Variants in ENOX1 observed in about 807,000 individuals in gnomAD.
The protein encoded by ENOX1 is ecto-NOX disulfide-thiol exchanger 1, also known as candidate growth-related and time keeping constitutive hydroquinone (NADH) oxidase.
A neutral mutation model predicts 82.5 loss-of-function variants in ENOX1; 42 were observed. The ratio of observed to expected loss-of-function variants is 0.51; its 90% CI spans 0.40 to 0.66. The LOEUF is 0.66. Among genes scored for constraint, ENOX1 ranks in the 30% least tolerant of loss-of-function variants. The pLI is 0.00. For missense variants in ENOX1, 608 were observed against 811.6 expected, an observed-to-expected ratio of 0.75 and a Z score of 3.05; for synonymous variants, 271 against 282.2, an observed-to-expected ratio of 0.96 and a Z score of 0.40.
intron 5 of ENOX1, among the ~76,000 whole-genome samples, chr13:43,406,220 G>C (rs529165906): frequency 9.8e-5 from 15 of 152,308 alleles, no homozygotes; most frequent in African/African-American, 3.6e-4. Context: ...AAACACCAGT[G>C]AATGGGAGAG....
chr13:43,416,992 C>T (rs1308099346), intron 3 of ENOX1, among the ~76,000 whole-genome samples: 1 of 152,162 alleles, frequency 6.6e-6, no homozygotes, highest in Non-Finnish European at 1.5e-5. Context: ...GCAGATCACT[C>T]GAGGTCAAGA....
chr13:43,582,636 CCATCA>C (rs1167720706), intron 2 of ENOX1, among the ~76,000 whole-genome samples: 1 of 151,712 alleles, frequency 6.6e-6, no homozygotes, highest in Non-Finnish European at 1.5e-5. Context: ...TGCAGTGGTG[CCATCA>C]TGGCTCACTG....
chr13:43,470,283 C>CGT (rs2057949605), intron 3 of ENOX1, among the ~76,000 whole-genome samples: 1 of 63,322 alleles, frequency 1.6e-5, no homozygotes, highest in African/African-American at 5.9e-5. Context: ...CATATATATA[C>CGT]ATATATATAT....
At chr13:43,764,979 T>C (rs770093269) in intron 1 of ENOX1, among the ~76,000 whole-genome samples, 4 of 152,204 alleles carry the variant, frequency 2.6e-5, no homozygotes, top group Non-Finnish European at 5.9e-5. Flanking sequence ...TAAAATGACA[T>C]TTGCTTCACG....
chr13:43,577,987 A>C (rs1329867777), intron 2 of ENOX1, among the ~76,000 whole-genome samples: 1 of 63,436 alleles, frequency 1.6e-5, no homozygotes, highest in East Asian at 2.8e-4. Context: ...AAACTATATA[A>C]AAAAAAGGAG....
Position 43,213,900 on chromosome 13 carries a change from T to G in ENOX1, c.*90A>C, listed in dbSNP as rs703206. 0.43 allele frequency: 629,411 copies of G among 1,480,276 alleles called. 138,400 individuals are homozygous for G. Among genetic ancestry groups the G allele is most frequent in the African/African-American group, 0.7 (49,764 of 71,228 alleles). The allele number at this position is 1,480,276 out of a possible 1,614,324, so 91.7% of individuals were successfully genotyped here. ...CGATGGCTCCACAAAGGTTGCGTGC[T>G]GGACCAACCCCACACCTCCTGCTTC... On this transcript the variant is annotated 3_prime_UTR_variant, in exon 17 of 17. Coordinates refer to ENST00000690772, the MANE Select transcript of ENOX1 (RefSeq NM_001347969.2).
intron 2 of ENOX1, among the ~76,000 whole-genome samples, chr13:43,578,526 C>T (rs959032799): frequency 1.3e-4 from 19 of 152,000 alleles, no homozygotes; most frequent in Non-Finnish European, 4.4e-5. Context: ...TGAAATTTAT[C>T]CTCAGTTCAT....
Position 43,757,822 on chromosome 13 carries a change from C to CT in ENOX1, c.-285+28829dup, listed in dbSNP as rs1177903733. ...GGTCATTTATCCCAAAAATGTATGA[C>CT]TTTTTTTTTCATCCAGCCAAATAAA... On this transcript the variant is annotated intron_variant, in intron 1 of 16. Transcript: ENST00000690772. Among the ~76,000 whole-genome samples, 17 of 151,654 alleles carry CT rather than the reference C, an allele frequency of 1.1e-4. No individual in the cohort carries two copies. The East Asian group carries it at 2.9e-3, about 26-fold the overall frequency.
chr13:43,236,615 A>G, intron 15 of ENOX1, 21 bp downstream of exon 15: 1 of 1,440,090 alleles, frequency 6.9e-7, no homozygotes, highest in East Asian at 2.4e-5. Flanking sequence ...AGAACAGATG[A>G]AGAAAACAGA....
Position 43,726,942 on chromosome 13 carries a change from AT to A in ENOX1, c.-284-59399del, listed in dbSNP as rs1203750045. ...TTTTTAACGGAGATGGGGTTTCACC[AT>A]GTTGGTTAGGCTGGTCTCGAATTCC... On this transcript the variant is annotated intron_variant, in intron 1 of 16. Coordinates refer to ENST00000690772, the MANE Select transcript of ENOX1 (RefSeq NM_001347969.2). Among the ~76,000 whole-genome samples, 8 of 152,188 alleles carry A rather than the reference AT, an allele frequency of 5.3e-5. 1 individual carries two copies. The South Asian group carries it at 1.7e-3, about 32-fold the overall frequency.
chr13:43,443,485 T>C (rs2056465767), intron 3 of ENOX1, among the ~76,000 whole-genome samples: 1 of 152,200 alleles, frequency 6.6e-6, no homozygotes, highest in African/African-American at 2.4e-5. Flanking sequence ...TTTAATCCTG[T>C]AAATATGCAT....
At chr13:43,726,928 G>C (rs188128947) in intron 1 of ENOX1, among the ~76,000 whole-genome samples, 440 of 152,166 alleles carry the variant, frequency 2.9e-3, no homozygotes, top group Non-Finnish European at 5.1e-3. Context: ...TTTTAACGGA[G>C]ATGGGGTTTC....
intron 1 of ENOX1, among the ~76,000 whole-genome samples, chr13:43,780,838 C>T (rs1952214652): frequency 6.6e-6 from 1 of 152,186 alleles, no homozygotes; most frequent in Non-Finnish European, 1.5e-5. Flanking sequence ...AGAGCAAAGG[C>T]TTTGGCTACT....
chr13:43,348,901 C>G (rs1304483660), intron 8 of ENOX1, among the ~76,000 whole-genome samples: 1 of 152,162 alleles, frequency 6.6e-6, no homozygotes, highest in Non-Finnish European at 1.5e-5. Context: ...TTGCTAAAAT[C>G]TAGGATAAGA....
In ENOX1 at chr13:43,786,391, T is replaced by C. The variant is rs1025131567; in HGVS notation, c.-285+261A>G. The stretch of plus-strand genomic sequence containing the variant: ...GAGGGGAGAGCGGGGAACAGCTGTC[T>C]GGGGCGCTGGGCACCCCCGGGCGCG... On this transcript the variant is annotated intron_variant, in intron 1 of 16. Coordinates refer to ENST00000690772, the MANE Select transcript of ENOX1 (RefSeq NM_001347969.2). This position sits in a 1 kb window ranked among gnomAD's most constrained non-coding sequence, Gnocchi z 6.0. Among the ~76,000 whole-genome samples the C allele has an allele frequency of 1.3e-5, 2 of 149,784 alleles. No homozygotes were observed. Among genetic ancestry groups the C allele is most frequent in the African/African-American group, 4.9e-5 (2 of 40,712 alleles).
chr13:43,520,118 C>A (rs945479447), intron 2 of ENOX1, among the ~76,000 whole-genome samples: 1 of 152,116 alleles, frequency 6.6e-6, no homozygotes, highest in South Asian at 2.1e-4. Context: ...AAATGTTCAT[C>A]AAATAAGTGA....
In ENOX1 at chr13:43,631,250, A is replaced by T. The variant is rs948515825; in HGVS notation, c.-219+36229T>A. 3.3e-5 allele frequency among the ~76,000 whole-genome samples: 5 copies of T among 152,146 alleles called. No homozygotes were observed. In the South Asian group the frequency reaches 6.2e-4, roughly 19 times the overall value. On this transcript the variant is annotated intron_variant, in intron 2 of 16. Transcript: ENST00000690772. ...AGACTGCTAGAATTTGGATTACTGA[A>T]TTGCAGCTACTAGCTGCACTAGGCT...
intron 2 of ENOX1, among the ~76,000 whole-genome samples, chr13:43,586,783 T>C (rs1271227199): frequency 2.0e-5 from 3 of 151,736 alleles, no homozygotes; most frequent in African/African-American, 7.3e-5. Flanking sequence ...TAAGAAATAG[T>C]AAAAGAGGCG....
At chr13:43,693,648 C>T (rs1450393961) in intron 1 of ENOX1, among the ~76,000 whole-genome samples, 1 of 152,126 alleles carries the variant, frequency 6.6e-6, no homozygotes. Context: ...TGAAAGTTTG[C>T]CCATCTTTTG....
Sources: gnomAD v4.1 joint callset for allele counts (sites outside exome capture counted in the v4.1 genomes callset) on GRCh38, gnomAD v4.1.1 for gene constraint, Gnocchi (gnomAD v3.1) non-coding constraint, MANE v1.5 for transcripts, NCBI Gene and HGNC (gene_info 2026-07-23, HGNC 2026-07-21) for gene names.